LUZP1: variants seen among roughly 807,000 people sequenced by gnomAD.
LUZP1 encodes the protein leucine zipper protein 1, also known as filamin mechanobinding actin cross-linking protein.
In LUZP1, 25 loss-of-function variants were observed where a neutral mutation model predicts 71.3. The observed-to-expected ratio is 0.35, with a 90% CI of 0.26 to 0.49. LUZP1 has a LOEUF of 0.49. Among genes scored for constraint, LUZP1 ranks in the 20% least tolerant of loss-of-function variants. The pLI is 0.99. For synonymous variants in LUZP1, 481 were observed against 506.4 expected, an observed-to-expected ratio of 0.95 and a Z score of 0.67; for missense variants, 1,142 against 1,300.8, an observed-to-expected ratio of 0.88 and a Z score of 1.88.
intron 2 of LUZP1, among the ~76,000 whole-genome samples, chr1:23,118,061 C>T (rs995106529): frequency 3.3e-5 from 5 of 149,780 alleles, no homozygotes; most frequent in African/African-American, 1.2e-4. Flanking sequence ...CTGCACTCCA[C>T]CCTGGGCGAC....
chr1:23,089,399 T>C (rs970522988), intron 4 of LUZP1, among the ~76,000 whole-genome samples: 5 of 152,150 alleles, frequency 3.3e-5, no homozygotes, highest in African/African-American at 1.2e-4. Context: ...TGCACATGCA[T>C]GCAGGCCGCA....
At chr1:23,118,898 G>T (rs1010827036) in intron 2 of LUZP1, among the ~76,000 whole-genome samples, 1 of 152,086 alleles carries the variant, frequency 6.6e-6, no homozygotes, top group African/African-American at 2.4e-5. Context: ...CTGTCCTTTT[G>T]GTTCTAATAT....
At chr1:23,141,915 G>T (rs1286423452) in intron 2 of LUZP1, among the ~76,000 whole-genome samples, 1 of 151,318 alleles carries the variant, frequency 6.6e-6, no homozygotes, top group Admixed American at 6.6e-5. Flanking sequence ...GCCATCTCCG[G>T]CTCACTGCAA....
intron 2 of LUZP1, among the ~76,000 whole-genome samples, chr1:23,136,773 C>T (rs374168522): frequency 1.3e-5 from 2 of 152,024 alleles, no homozygotes; most frequent in African/African-American, 4.8e-5. Flanking sequence ...AAAAAGTAGC[C>T]GGGCGTGGTG....
intron 2 of LUZP1, among the ~76,000 whole-genome samples, chr1:23,144,932 G>A (rs528271733): frequency 2.0e-5 from 3 of 152,120 alleles, no homozygotes; most frequent in South Asian, 4.2e-4. Context: ...TTGCTCTGTT[G>A]CCCAGGCTGC....
intron 2 of LUZP1, among the ~76,000 whole-genome samples, chr1:23,120,283 C>G (rs920761433): frequency 4.6e-5 from 7 of 151,996 alleles, no homozygotes; most frequent in Admixed American, 4.6e-4. Flanking sequence ...ATCTGAAATT[C>G]AGGATCCCTA....
At chr1:23,141,220 G>A (rs1319658858) in intron 2 of LUZP1, 1 of 152,342 alleles carries the variant, frequency 6.6e-6, no homozygotes, top group Non-Finnish European at 1.5e-5. Flanking sequence ...GGGGAAAGGA[G>A]GAAGGCTAGA....
chr1:23,091,263 GAC>G lies in LUZP1; in HGVS notation c.2997_2998del (p.Ser1000ArgfsTer47), dbSNP rs1643847961. On this transcript the variant is annotated frameshift_variant, in exon 4 of 5. Coordinates refer to ENST00000302291, the Ensembl canonical transcript of LUZP1. LOFTEE classifies it high-confidence loss of function. ...CCGATTCCGACGGGTAAGCACCTCT[GAC>G]ACAGTGAGGCTACTTTGGGTCCTTC... is the stretch of plus-strand genomic sequence containing the variant. 1.2e-6 allele frequency: 2 copies of G among 1,613,892 alleles called. No individual in the cohort carries two copies. The highest frequency in any genetic ancestry group is 3.3e-5 in the Admixed American group (2 of 60,000).
intron 2 of LUZP1, among the ~76,000 whole-genome samples, chr1:23,146,402 A>G (rs1434087435): frequency 6.6e-6 from 1 of 152,242 alleles, no homozygotes; most frequent in Non-Finnish European, 1.5e-5. Context: ...ACACAAACCT[A>G]GTCACATGAC....
chr1:23,093,451 T>G lies in LUZP1; in HGVS notation c.811A>C (p.Thr271Pro). The G allele has an allele frequency of 1.9e-6, 3 of 1,613,430 alleles. No homozygotes were observed. The highest frequency in any genetic ancestry group is 2.5e-6 in the Non-Finnish European group (3 of 1,179,884). ...TTTTCATTTTCTGATTTGTTTCTTG[T>G]TTCATTCTCTACCTGCTTTAGGTAG... The change falls in exon 4 of 5, where the codon ACA (threonine) becomes CCA (proline). Residue 271 changes from threonine to proline, a missense_variant. Physicochemically the swap from Thr to Pro is conservative, Grantham distance 38. Transcript: ENST00000302291. This position sits in a 1 kb window ranked among gnomAD's most constrained non-coding sequence, Gnocchi z 4.2.
intron 1 of LUZP1, among the ~76,000 whole-genome samples, chr1:23,172,283 C>T (rs1464412154): frequency 6.6e-6 from 1 of 152,042 alleles, no homozygotes; most frequent in Non-Finnish European, 1.5e-5. Flanking sequence ...AGTAAGTTGC[C>T]GAATTACAAG....
rs114876409 is a variant in LUZP1, at chr1:23,105,189, G to A, written c.-120+3833C>T. Among the ~76,000 whole-genome samples, 582 of 152,284 alleles carry A rather than the reference G, an allele frequency of 3.8e-3. 4 individuals are homozygous for A. The highest frequency in any genetic ancestry group is 5.5e-3 in the Non-Finnish European group (376 of 68,032). ...AAGGCAAGAGATGGGATAAGGGCCT[G>A]AACCAGGACAGTAGCAATGGGGTAA... On this transcript the variant is annotated intron_variant, in intron 3 of 4. Transcript: ENST00000302291.
intron 2 of LUZP1, among the ~76,000 whole-genome samples, chr1:23,135,078 C>T (rs1274339740): frequency 6.6e-6 from 1 of 152,190 alleles, no homozygotes; most frequent in Non-Finnish European, 1.5e-5. Context: ...TGACAAGGAA[C>T]TATCACCAAC....
chr1:23,148,782 T>TA (rs1243707519), intron 2 of LUZP1, among the ~76,000 whole-genome samples: 1 of 151,860 alleles, frequency 6.6e-6, no homozygotes, highest in Admixed American at 6.5e-5. Flanking sequence ...AACAAGCATT[T>TA]ACCAAAGGAT....
intron 4 of LUZP1, 151 bp downstream of exon 3, chr1:23,091,039 C>T: frequency 1.2e-6 from 1 of 844,142 alleles, no homozygotes; most frequent in East Asian, 2.6e-5. Flanking sequence ...AGGTCAAACC[C>T]CCCTGATTTT....
In LUZP1 at chr1:23,091,635, C is replaced by T. The variant is rs147117617; in HGVS notation, c.2627G>A (p.Arg876Gln). 2.2e-4 allele frequency: 360 copies of T among 1,614,088 alleles called. No homozygotes were observed. The highest frequency in any genetic ancestry group is 1.4e-4 in the Non-Finnish European group (162 of 1,180,010). Residue 876 changes from arginine to glutamine, a missense_variant, in exon 4 of 5, where the codon CGG becomes CAG. Arg to Gln is a conservative substitution (Grantham distance 43). Coordinates refer to ENST00000302291, the Ensembl canonical transcript of LUZP1. Reference sequence around the variant, plus strand: ...CGATGGCTTGATTATAATGCTGCTCCGAGAGACCACTGTTTCTGGCCTGTC... The same window carrying T: ...CGATGGCTTGATTATAATGCTGCTCTGAGAGACCACTGTTTCTGGCCTGTC...
intron 2 of LUZP1, among the ~76,000 whole-genome samples, chr1:23,168,425 T>A (rs577768818): frequency 7.4e-6 from 1 of 134,408 alleles, no homozygotes; most frequent in Non-Finnish European, 1.6e-5. Context: ...CTCCTCCGCG[T>A]CTCTGCCCCA....
chr1:23,136,684 G>A (rs1644256597), intron 2 of LUZP1, among the ~76,000 whole-genome samples: 1 of 152,160 alleles, frequency 6.6e-6, no homozygotes, highest in Non-Finnish European at 1.5e-5. Flanking sequence ...CGAGGCGGGT[G>A]GATCACGAGA....
At chr1:23,159,234 G>A (rs186694198) in intron 2 of LUZP1, among the ~76,000 whole-genome samples, 2,494 of 151,276 alleles carry the variant, frequency 0.016, 20 homozygotes, top group Non-Finnish European at 0.025. Context: ...CCAGCTACTC[G>A]GGAGGCTGAG....
Sources: allele counts gnomAD v4.1 joint callset (sites outside exome capture counted in the v4.1 genomes callset), GRCh38; gene constraint gnomAD v4.1.1; non-coding constraint Gnocchi (gnomAD v3.1); transcripts MANE v1.5; gene names NCBI Gene and HGNC (gene_info 2026-07-23, HGNC 2026-07-21).